PID1: variants seen among roughly 807,000 people sequenced by gnomAD.
PID1 encodes phosphotyrosine interaction domain containing 1, also known as PTB-containing, cubilin and LRP1-interacting protein.
Under a neutral mutation model 19.1 loss-of-function variants are expected in PID1, and 10 were observed. That is an observed-to-expected ratio of 0.52 (90% confidence interval 0.32 to 0.89). PID1 has a LOEUF of 0.89. Among genes scored for constraint, PID1 ranks in the 40% least tolerant of loss-of-function variants. PID1 has a pLI of 0.03. For missense variants in PID1, 248 were observed against 285.3 expected, an observed-to-expected ratio of 0.87 and a Z score of 0.94; for synonymous variants, 130 against 116.0, an observed-to-expected ratio of 1.12 and a Z score of -0.78.
chr2:229,231,972 A>G (rs1234856769), intron 1 of PID1: 1 of 1,550,388 alleles, frequency 6.4e-7, no homozygotes, highest in East Asian at 2.4e-5. Flanking sequence ...GGCTTGTTTG[A>G]TTGTCTTGTG....
intron 2 of PID1, among the ~76,000 whole-genome samples, chr2:229,068,844 C>T (rs1378810849): frequency 6.6e-6 from 1 of 152,124 alleles, no homozygotes; most frequent in African/African-American, 2.4e-5. Context: ...CACAGAGGGT[C>T]CGCTATTTTT....
intron 1 of PID1, among the ~76,000 whole-genome samples, chr2:229,183,321 C>T (rs1050642548): frequency 6.6e-6 from 1 of 152,202 alleles, no homozygotes; most frequent in Non-Finnish European, 1.5e-5. Context: ...GGACTTCCAG[C>T]CTCCCAAACT....
chr2:229,090,294 C>T (rs950730895), intron 2 of PID1, among the ~76,000 whole-genome samples: 5 of 152,156 alleles, frequency 3.3e-5, no homozygotes, highest in East Asian at 1.9e-4. Flanking sequence ...CAGGAATCTA[C>T]AGAATAACAG....
rs889951760 is a variant in PID1 at position 229,170,364 on chromosome 2, C to T, written c.31-14400G>A. On this transcript the variant is annotated intron_variant, in intron 1 of 2. Transcript: ENST00000392055. ...GCAGATTCATTTTGAGGCATTTGAA[C>T]GTCAGAGCCCAGATTCTCTAACATC... is the stretch of plus-strand genomic sequence containing the variant. 3.9e-5 allele frequency among the ~76,000 whole-genome samples: 6 copies of T among 152,204 alleles called. No individual in the cohort carries two copies. The South Asian group carries it at 1.0e-3, about 26-fold the overall frequency.
Position 229,026,258 on chromosome 2 carries a change from A to G in PID1, c.178-150T>C, listed in dbSNP as rs926424644. 8.2e-5 allele frequency: 51 copies of G among 623,660 alleles called. No homozygotes were observed. The African/African-American group carries it at 8.4e-4, about 10-fold the overall frequency. 38.6% of individuals were successfully genotyped at this position (623,660 alleles called of 1,614,324 possible). On this transcript the variant is annotated intron_variant, in intron 2 of 2. Coordinates refer to ENST00000392055, the MANE Select transcript of PID1 (RefSeq NM_001100818.2). Reference sequence around the variant, plus strand: ...TTGCTCCCTGAAAGAATAACTCATCAAAATTTCTACCTTTTCTCTCTAATG... The same window carrying G: ...TTGCTCCCTGAAAGAATAACTCATCGAAATTTCTACCTTTTCTCTCTAATG...
intron 1 of PID1, among the ~76,000 whole-genome samples, chr2:229,254,017 T>G (rs1690223423): frequency 6.6e-6 from 1 of 152,202 alleles, no homozygotes; most frequent in African/African-American, 2.4e-5. Flanking sequence ...CGGAAATGGT[T>G]GCCAGCATTG....
intron 1 of PID1, among the ~76,000 whole-genome samples, chr2:229,250,358 C>T (rs79575124): frequency 0.14 from 21,319 of 152,136 alleles, 1,686 homozygotes; most frequent in South Asian, 0.18. Context: ...GGACAAAATG[C>T]TTTTATTTAA....
intron 1 of PID1, among the ~76,000 whole-genome samples, chr2:229,231,109 C>A (rs1346920284): frequency 2.0e-5 from 3 of 152,060 alleles, no homozygotes; most frequent in Non-Finnish European, 2.9e-5. Flanking sequence ...CCGCCCAGGG[C>A]CAGGAACAGT....
chr2:229,040,691 G>C (rs1474852554), intron 2 of PID1, among the ~76,000 whole-genome samples: 2 of 151,946 alleles, frequency 1.3e-5, no homozygotes, highest in African/African-American at 4.8e-5. Flanking sequence ...AGTGAAGAGA[G>C]GAAAAAACAA....
At chr2:229,151,434 C>G (rs757861665) in intron 2 of PID1, among the ~76,000 whole-genome samples, 1 of 152,166 alleles carries the variant, frequency 6.6e-6, no homozygotes. Context: ...GCACTTAAAC[C>G]GTTGAGTTGC....
intron 1 of PID1, among the ~76,000 whole-genome samples, chr2:229,158,880 C>T (rs1690435645): frequency 6.6e-6 from 1 of 151,144 alleles, no homozygotes; most frequent in Non-Finnish European, 1.5e-5. Flanking sequence ...AAAATAAAAA[C>T]AATTGAACTC....
rs1329481648 is a variant in PID1, at chr2:229,263,012, G to T, written c.30+8002C>A. On this transcript the variant is annotated intron_variant, in intron 1 of 2. Transcript: ENST00000392055. ...AATAAAGCTACATTCACAGGTACCA[G>T]GGGTTAAGACTTCAACACATCTTTT... 12 of 999,658 alleles carry T rather than the reference G, an allele frequency of 1.2e-5. No homozygotes were observed. In the East Asian group the frequency reaches 3.4e-4, roughly 28 times the overall value. The allele number at this position is 999,658 out of a possible 1,614,324, so 61.9% of individuals were successfully genotyped here.
intron 1 of PID1, chr2:229,232,033 G>T: frequency 6.5e-7 from 1 of 1,547,806 alleles, no homozygotes; most frequent in Non-Finnish European, 8.7e-7. Context: ...CACAGTGGAA[G>T]GCTAAGGGGC....
At chr2:229,028,313 A>G (rs955793436) in intron 2 of PID1, among the ~76,000 whole-genome samples, 1 of 152,182 alleles carries the variant, frequency 6.6e-6, no homozygotes, top group African/African-American at 2.4e-5. Context: ...TTTACCCAAT[A>G]TTTTTAATCA....
At chr2:229,237,003 C>CAT (rs1689715999) in intron 1 of PID1, among the ~76,000 whole-genome samples, 1 of 151,462 alleles carries the variant, frequency 6.6e-6, no homozygotes, top group African/African-American at 2.4e-5. Context: ...CACACACACA[C>CAT]ACACACACAC....
rs1486077685 is a variant in PID1 at position 229,139,112 on chromosome 2, A to C, written c.177+16706T>G. On this transcript the variant is annotated intron_variant, in intron 2 of 2. Coordinates refer to ENST00000392055, the MANE Select transcript of PID1 (RefSeq NM_001100818.2). The stretch of plus-strand genomic sequence containing the variant: ...GAAAGAAAGAAAGAAAGAAAGAAAG[A>C]AAGAGAAAGAAAGAAAGAAAGAAAG... Among the ~76,000 whole-genome samples, 519 of 72,742 alleles carry C rather than the reference A, an allele frequency of 7.1e-3. 62 individuals carry two copies. Among genetic ancestry groups the C allele is most frequent in the African/African-American group, 0.033 (490 of 14,836 alleles). 47.7% of individuals were successfully genotyped at this position (72,742 alleles called of 152,430 possible).
intron 1 of PID1, among the ~76,000 whole-genome samples, chr2:229,256,196 G>A (rs1559305208): frequency 6.6e-6 from 1 of 152,134 alleles, no homozygotes; most frequent in Non-Finnish European, 1.5e-5. Flanking sequence ...CCAGCTGGAG[G>A]CCACATTCCA....
At chr2:229,253,696 G>A (rs750236146) in intron 1 of PID1, among the ~76,000 whole-genome samples, 1 of 152,022 alleles carries the variant, frequency 6.6e-6, no homozygotes, top group African/African-American at 2.4e-5. Flanking sequence ...TGCGTCCATA[G>A]GTTTCTGGTA....
At chr2:229,069,143 T>TTGTGTGTGTGTG (rs61118908) in intron 2 of PID1, among the ~76,000 whole-genome samples, 1,552 of 140,664 alleles carry the variant, frequency 0.011, 21 homozygotes, top group African/African-American at 0.028. Context: ...AGAAGGGTTT[T>TTGTGTGTGTGTG]TGTGTGTGTG....
Sources: gnomAD v4.1 joint callset for allele counts (sites outside exome capture counted in the v4.1 genomes callset) on GRCh38, gnomAD v4.1.1 for gene constraint, MANE v1.5 for transcripts, NCBI Gene and HGNC (gene_info 2026-07-23, HGNC 2026-07-21) for gene names.